The following ARHGAP10 variants were observed in gnomAD, a reference collection of about 807,000 sequenced individuals.
ARHGAP10 encodes the protein rho GTPase-activating protein 10.
A neutral mutation model predicts 108.6 loss-of-function variants in ARHGAP10; 87 were observed. The observed-to-expected ratio is 0.80, with a 90% CI of 0.67 to 0.96. The LOEUF is 0.96. Ranked by LOEUF, ARHGAP10 falls within the 40% of genes least tolerant of loss-of-function variation. The pLI is 0.00. For missense variants in ARHGAP10, 939 were observed against 954.5 expected (o/e 0.98, Z 0.21); for synonymous variants, 347 against 341.1 (o/e 1.02, Z -0.19).
chr4:147,758,442 C>A (rs763364791), intron 1 of ARHGAP10, among the ~76,000 whole-genome samples: 1 of 152,130 alleles, frequency 6.6e-6, no homozygotes, highest in Non-Finnish European at 1.5e-5. Context: ...TTAGTGCAGC[C>A]ATCACCACAG....
chr4:147,773,092 T>A (rs13134018), intron 1 of ARHGAP10, among the ~76,000 whole-genome samples: 113,177 of 152,172 alleles, frequency 0.74, 48,003 homozygotes, highest in Non-Finnish European at 0.93. Context: ...AGTTTTTTCT[T>A]TGTTGGTAGA....
intron 19 of ARHGAP10, among the ~76,000 whole-genome samples, chr4:148,031,038 G>A (rs1728127477): frequency 6.6e-6 from 1 of 152,042 alleles, no homozygotes; most frequent in Non-Finnish European, 1.5e-5. Context: ...CAGCCTGGGT[G>A]ACAGATCAAG....
At chr4:147,774,111 G>A (rs1730188622) in intron 1 of ARHGAP10, among the ~76,000 whole-genome samples, 1 of 152,200 alleles carries the variant, frequency 6.6e-6, no homozygotes, top group Admixed American at 6.5e-5. Flanking sequence ...ATAATGAAAT[G>A]AGTTAATAAA....
chr4:147,938,360 T>C (rs545884305), intron 13 of ARHGAP10, among the ~76,000 whole-genome samples: 87 of 151,914 alleles, frequency 5.7e-4, no homozygotes, highest in African/African-American at 2.1e-3. Flanking sequence ...ACCCCTGAAC[T>C]TAAAAGTTAA....
chr4:147,920,525 G>A (rs899898065), intron 13 of ARHGAP10, among the ~76,000 whole-genome samples: 3 of 152,128 alleles, frequency 2.0e-5, no homozygotes, highest in African/African-American at 4.8e-5. Flanking sequence ...AAGACTTATC[G>A]TAGCTAAACC....
intron 3 of ARHGAP10, among the ~76,000 whole-genome samples, chr4:147,840,382 T>C (rs1037488462): frequency 2.0e-5 from 3 of 152,192 alleles, no homozygotes; most frequent in Non-Finnish European, 4.4e-5. Context: ...AAATGTTCTC[T>C]TCCTCCCCAC....
At chr4:147,882,171 T>C (rs1316407481) in intron 10 of ARHGAP10, among the ~76,000 whole-genome samples, 2 of 151,940 alleles carry the variant, frequency 1.3e-5, no homozygotes, top group Non-Finnish European at 2.9e-5. Context: ...ACTTAAAAAA[T>C]AACCTTGGAG....
At chr4:147,866,488 T>G in intron 6 of ARHGAP10, 2 of 472,828 alleles carry the variant, frequency 4.2e-6, no homozygotes, top group Non-Finnish European at 7.5e-6. Context: ...ATATAAGCTG[T>G]CTAATGGCTG....
rs575854616 is a variant in ARHGAP10 at position 147,814,416 on chromosome 4, C to T, written c.155-8311C>T. Among the ~76,000 whole-genome samples the T allele has an allele frequency of 1.3e-4, 20 of 151,972 alleles. No homozygotes were observed. In the East Asian group the frequency reaches 3.3e-3, roughly 25 times the overall value. The stretch of plus-strand genomic sequence containing the variant: ...TGGGAACTAAGTTTCTCATTTGTGC[C>T]GTGAATGTTGTTACTCCAATGGCAG... On this transcript the variant is annotated intron_variant, in intron 1 of 22. Transcript: ENST00000336498.
At chr4:147,845,930 A>G (rs548584565) in intron 3 of ARHGAP10, among the ~76,000 whole-genome samples, 17 of 152,166 alleles carry the variant, frequency 1.1e-4, no homozygotes, top group Non-Finnish European at 1.9e-4. Flanking sequence ...TTGGTTTGCC[A>G]TTGCTGTAGG....
intron 13 of ARHGAP10, among the ~76,000 whole-genome samples, chr4:147,934,138 T>G (rs1018823945): frequency 6.6e-5 from 10 of 152,214 alleles, no homozygotes; most frequent in African/African-American, 2.4e-4. Flanking sequence ...AGACGAACCT[T>G]TCTGCCAAAG....
At chr4:147,767,167 C>G (rs562539090) in intron 1 of ARHGAP10, among the ~76,000 whole-genome samples, 39 of 152,108 alleles carry the variant, frequency 2.6e-4, no homozygotes, top group African/African-American at 9.2e-4. Flanking sequence ...TATGTTAAAG[C>G]AAATCCAGCA....
chr4:147,737,237 G>C (rs563937559), intron 1 of ARHGAP10, among the ~76,000 whole-genome samples: 2 of 151,988 alleles, frequency 1.3e-5, no homozygotes, highest in East Asian at 1.9e-4. Flanking sequence ...GGCAACCTCC[G>C]TCTCCCGGGT....
chr4:147,914,331 C>G (rs894487341), intron 13 of ARHGAP10, among the ~76,000 whole-genome samples: 15 of 152,070 alleles, frequency 9.9e-5, no homozygotes, highest in African/African-American at 3.4e-4. Flanking sequence ...TTCCTCCTTT[C>G]CTGTATTTGC....
At position 147,885,650 on chromosome 4, in the gene ARHGAP10, T is replaced by A. The variant is rs936791696; in HGVS notation, c.1034+3718T>A. The stretch of plus-strand genomic sequence containing the variant: ...GGCTATGGCAGCATTTGATTTGTTA[T>A]TCACGTTTGACCTCCTGAAACTCTC... On this transcript the variant is annotated intron_variant, in intron 10 of 22. Coordinates refer to ENST00000336498, the MANE Select transcript of ARHGAP10 (RefSeq NM_024605.4). Among the ~76,000 whole-genome samples the A allele has an allele frequency of 3.3e-5, 5 of 152,330 alleles. No individual in the cohort carries two copies. In the South Asian group the frequency reaches 1.0e-3, roughly 32 times the overall value.
chr4:148,043,172 G>A (rs1383307775), intron 19 of ARHGAP10, among the ~76,000 whole-genome samples: 1 of 152,198 alleles, frequency 6.6e-6, no homozygotes, highest in Non-Finnish European at 1.5e-5. Context: ...AATCAGGAGA[G>A]GAGGGGTTTG....
At chr4:147,865,477 A>G (rs1283204113) in intron 6 of ARHGAP10, 2 of 152,752 alleles carry the variant, frequency 1.3e-5, no homozygotes, top group African/African-American at 2.4e-5. Context: ...TTTGTTTGTG[A>G]TTATATAGAT....
chr4:147,794,120 A>G (rs374867408), intron 1 of ARHGAP10, among the ~76,000 whole-genome samples: 3 of 152,170 alleles, frequency 2.0e-5, no homozygotes, highest in East Asian at 1.9e-4. Context: ...AGGCTCGAAC[A>G]CAAATAATTA....
chr4:147,935,587 A>G (rs1197507118), intron 13 of ARHGAP10, among the ~76,000 whole-genome samples: 1 of 152,234 alleles, frequency 6.6e-6, no homozygotes, highest in Non-Finnish European at 1.5e-5. Context: ...GGAAATTTGG[A>G]AAAGAAGCTG....
Sources: allele counts gnomAD v4.1 joint callset (sites outside exome capture counted in the v4.1 genomes callset), GRCh38; gene constraint gnomAD v4.1.1; transcripts MANE v1.5; gene names NCBI Gene and HGNC (gene_info 2026-07-23, HGNC 2026-07-21).